Variants in RUNDC1 observed in about 807,000 individuals in gnomAD.
RUNDC1 encodes RUN domain-containing protein 1.
A neutral mutation model predicts 49.3 loss-of-function variants in RUNDC1; 31 were observed. The ratio of observed to expected loss-of-function variants is 0.63; its 90% CI spans 0.47 to 0.85. The LOEUF is 0.85. RUNDC1 is among the 40% of genes least tolerant of loss of function. RUNDC1 has a pLI of 0.00. For synonymous variants in RUNDC1, 347 were observed against 348.6 expected (o/e 1.00, Z 0.05); for missense variants, 715 against 806.7 (o/e 0.89, Z 1.38).
chr17:42,989,439 A>G lies in RUNDC1; in HGVS notation c.756A>G (p.Ala252=). 1 of 1,613,580 alleles carries G rather than the reference A, an allele frequency of 6.2e-7. No homozygotes were observed. Residue 252 remains alanine (A), a synonymous_variant, in exon 3 of 5, where the codon GCA becomes GCG. Transcript: ENST00000361677. ...AGCTTCGTCAGCGTGTAGATGCAGCAGTGGCTCAGATCGTCAACCCAGCCC... is the reference window on the plus strand; with the variant it reads ...AGCTTCGTCAGCGTGTAGATGCAGCGGTGGCTCAGATCGTCAACCCAGCCC... The part of the protein sequence containing the change: ...TEELRQRVDA[A]VAQIVNPARV...
At chr17:42,984,889 CTTTTTTTTTTT>C (rs56228523) in intron 1 of RUNDC1, among the ~76,000 whole-genome samples, 2 of 65,350 alleles carry the variant, frequency 3.1e-5, no homozygotes, top group Non-Finnish European at 5.5e-5. Context: ...TTCTTTCTTT[CTTTTTTTTTTT>C]TTTTTTTTTT....
At chr17:42,983,742 G>C (rs1033648231) in intron 1 of RUNDC1, among the ~76,000 whole-genome samples, 5 of 151,600 alleles carry the variant, frequency 3.3e-5, no homozygotes, top group African/African-American at 4.9e-5. Context: ...CACCATCTTG[G>C]CTCACAGCAA....
chr17:42,987,410 A>AG lies in RUNDC1; in HGVS notation c.654dup (p.Arg219AlafsTer6). 6.2e-7 allele frequency: 1 copy of AG among 1,614,072 alleles called. No homozygotes were observed. The highest frequency in any genetic ancestry group is 8.5e-7 in the Non-Finnish European group (1 of 1,179,968). On this transcript the variant is annotated frameshift_variant, in exon 2 of 5. Coordinates refer to ENST00000361677, the MANE Select transcript of RUNDC1 (RefSeq NM_173079.5). LOFTEE classifies it high-confidence loss of function. Reference sequence around the variant, plus strand: ...CCACAGTCCGTGGTGTTGGAAAGACAGCGGGTGAGCAGACCCCAGAGGAAC... The same window carrying AG: ...CCACAGTCCGTGGTGTTGGAAAGACAGGCGGGTGAGCAGACCCCAGAGGAAC...
Position 42,994,004 on chromosome 17 carries a change from C to T in RUNDC1, c.*2288C>T, listed in dbSNP as rs8076539. ...CCTTCTGAGTAGCTGGGAGTACCGG[C>T]GCCTGCCACCACGCCTGGCTAATGT... On this transcript the variant is annotated 3_prime_UTR_variant, in exon 5 of 5. Transcript: ENST00000361677. 0.096 allele frequency among the ~76,000 whole-genome samples: 14,654 copies of T among 152,174 alleles called. 870 individuals carry two copies. The highest frequency in any genetic ancestry group is 0.14 in the African/African-American group (6,013 of 41,512).
intron 1 of RUNDC1, 54 bp downstream of exon 1, chr17:42,981,128 G>C: frequency 6.6e-7 from 1 of 1,508,486 alleles, no homozygotes; most frequent in South Asian, 1.2e-5. Flanking sequence ...GGTCGTGTGG[G>C]TGGCGATCCA....
Position 42,994,544 on chromosome 17 carries a change from C to A in RUNDC1, c.*2828C>A, listed in dbSNP as rs1419604939. 6.6e-6 allele frequency among the ~76,000 whole-genome samples: 1 copy of A among 152,114 alleles called. No homozygotes were observed. Among genetic ancestry groups the A allele is most frequent in the African/African-American group, 2.4e-5 (1 of 41,422 alleles). ...TTTCTAGATTTTGGTTTCTCTTTCT[C>A]CTTTATCCACCACCCTCATTCCTCC... On this transcript the variant is annotated 3_prime_UTR_variant, in exon 5 of 5. Coordinates refer to ENST00000361677, the MANE Select transcript of RUNDC1 (RefSeq NM_173079.5).
rs551022210 is a variant in RUNDC1 at position 42,982,949 on chromosome 17, C to T, written c.498+1875C>T. Among the ~76,000 whole-genome samples the T allele has an allele frequency of 9.3e-5, 14 of 150,752 alleles. No homozygotes were observed. The East Asian group carries it at 1.2e-3, about 13-fold the overall frequency. ...TTGCGGTGAGCCAAGATCGTGCCAT[C>T]GCACCCCAGCCTGGGGCAACAAGAG... On this transcript the variant is annotated intron_variant, in intron 1 of 4. Coordinates refer to ENST00000361677, the MANE Select transcript of RUNDC1 (RefSeq NM_173079.5).
rs879853364 is a variant in RUNDC1 at position 42,992,007 on chromosome 17, G to A, written c.*291G>A. On this transcript the variant is annotated 3_prime_UTR_variant, in exon 5 of 5. Coordinates refer to ENST00000361677, the MANE Select transcript of RUNDC1 (RefSeq NM_173079.5). ...AGGCGGGCGGATCACAAGGTCAGGA[G>A]TTCGAGACCATCCTGTCTAACACGG... 24 of 362,718 alleles carry A rather than the reference G, an allele frequency of 6.6e-5. No homozygotes were observed. The highest frequency in any genetic ancestry group is 1.1e-4 in the Non-Finnish European group (22 of 192,056). 22.5% of individuals were successfully genotyped at this position (362,718 alleles called of 1,614,324 possible).
rs768638303 is a variant in RUNDC1, at chr17:42,987,316, C to G, written c.559C>G (p.Leu187Val). ...AAGGGAGAAGCAGAAAGAACTGATA[C>G]TGCAGCTCAAGACCCAGCTAGATGA... ...TQREKQKELI[L>V]QLKTQLDDLE... Residue 187 changes from leucine to valine, a missense_variant, in exon 2 of 5, where the codon CTG becomes GTG. This residue lies in a region of RUNDC1 where 15 missense variants were observed against 47.9 expected (regional missense o/e 0.31). Coordinates refer to ENST00000361677, the MANE Select transcript of RUNDC1 (RefSeq NM_173079.5). The G allele has an allele frequency of 5.0e-6, 8 of 1,613,870 alleles. No individual in the cohort carries two copies. In the South Asian group the frequency reaches 8.8e-5, roughly 18 times the overall value.
chr17:42,991,013 C>T lies in RUNDC1; in HGVS notation c.1139C>T (p.Pro380Leu), dbSNP rs752347435. The T allele has an allele frequency of 1.2e-6, 2 of 1,614,058 alleles. No individual in the cohort carries two copies. The highest frequency in any genetic ancestry group is 1.3e-5 in the African/African-American group (1 of 74,942). ...QRVQADRDYS[P>L]LLKRLEVSVD... is the part of the protein sequence containing the mutation. ...GTCCAGGCTGACAGAGACTACTCTCCCTTGCTGAAGAGGCTGGAGGTGTCA... is the reference window on the plus strand; with the variant it reads ...GTCCAGGCTGACAGAGACTACTCTCTCTTGCTGAAGAGGCTGGAGGTGTCA... Residue 380 changes from proline to leucine, a missense_variant, in exon 5 of 5, where the codon CCC becomes CTC. Physicochemically the swap from Pro to Leu is moderately conservative, Grantham distance 98. Around this residue, in one of 5 missense-constraint regions of RUNDC1, gnomAD observed 425 missense variants for 499.7 expected, o/e 0.85. Coordinates refer to ENST00000361677, the MANE Select transcript of RUNDC1 (RefSeq NM_173079.5).
rs1442508395 is a variant in RUNDC1, at chr17:42,994,872, T to C, written c.*3156T>C. Among the ~76,000 whole-genome samples the C allele has an allele frequency of 6.6e-6, 1 of 152,046 alleles. No homozygotes were observed. Among genetic ancestry groups the C allele is most frequent in the Non-Finnish European group, 1.5e-5 (1 of 68,004 alleles). On this transcript the variant is annotated 3_prime_UTR_variant, in exon 5 of 5. Coordinates refer to ENST00000361677, the MANE Select transcript of RUNDC1 (RefSeq NM_173079.5). ...ACCCAGATCCAAGGATATGCAAGAA[T>C]GGAAGGGTCAAGAGCCACGGATATG...
chr17:42,991,758 G>A lies in RUNDC1; in HGVS notation c.*42G>A, dbSNP rs116930490. ...CCAGACAAGCTCCTTGTTCAGTAGG[G>A]ATAGATGTGCTAGTCTTCTAGCATA... On this transcript the variant is annotated 3_prime_UTR_variant, in exon 5 of 5. Coordinates refer to ENST00000361677, the MANE Select transcript of RUNDC1 (RefSeq NM_173079.5). 0.019 allele frequency: 28,883 copies of A among 1,558,954 alleles called. 364 individuals carry two copies. The highest frequency in any genetic ancestry group is 0.022 in the Non-Finnish European group (24,798 of 1,153,258).
chr17:42,988,270 T>TTTTA (rs2050195747), intron 2 of RUNDC1, among the ~76,000 whole-genome samples: 1 of 150,692 alleles, frequency 6.6e-6, no homozygotes. Flanking sequence ...TTTTTTTTTT[T>TTTTA]GAGACAAAGT....
intron 1 of RUNDC1, among the ~76,000 whole-genome samples, chr17:42,982,690 C>G (rs2050116870): frequency 6.6e-6 from 1 of 151,950 alleles, no homozygotes; most frequent in African/African-American, 2.4e-5. Context: ...AAATTAAAAA[C>G]TAGCCCAGCG....
intron 3 of RUNDC1, 71 bp from the exon 4 acceptor site, chr17:42,990,246 G>A (rs2050220336): frequency 6.4e-7 from 1 of 1,569,922 alleles, no homozygotes; most frequent in Non-Finnish European, 8.6e-7. Flanking sequence ...GCACCATTAA[G>A]TATTATTTTT....
chr17:42,994,703 T>A lies in RUNDC1; in HGVS notation c.*2987T>A, dbSNP rs1480881199. Among the ~76,000 whole-genome samples, 1 of 152,104 alleles carries A rather than the reference T, an allele frequency of 6.6e-6. No homozygotes were observed. The highest frequency in any genetic ancestry group is 1.5e-5 in the Non-Finnish European group (1 of 68,024). ...AGTTCTTGAAACCTAAATGTGTGTA[T>A]CAACTGAGACAACCCAACAATTCCA... On this transcript the variant is annotated 3_prime_UTR_variant, in exon 5 of 5. Transcript: ENST00000361677.
chr17:42,984,889 C>CTTTTTTTTTTTTTTTTTTTTTTTTTT (rs56228523), intron 1 of RUNDC1, among the ~76,000 whole-genome samples: 1 of 65,350 alleles, frequency 1.5e-5, no homozygotes, highest in Admixed American at 2.3e-4. Flanking sequence ...TTCTTTCTTT[C>CTTTTTTTTTTTTTTTTTTTTTTTTTT]TTTTTTTTTT....
intron 3 of RUNDC1, 44 bp downstream of exon 3, chr17:42,989,583 A>G (rs2050212333): frequency 6.5e-7 from 1 of 1,540,076 alleles, no homozygotes; most frequent in Non-Finnish European, 9.0e-7. Flanking sequence ...AGGTGTCATA[A>G]TAATTATACT....
intron 4 of RUNDC1, 95 bp from the exon 5 acceptor site, chr17:42,990,756 C>A: frequency 1.4e-6 from 2 of 1,426,010 alleles, no homozygotes; most frequent in African/African-American, 1.4e-5. Flanking sequence ...TGAGACCCAG[C>A]ATGTGGCTCA....
Sources: gnomAD v4.1 joint callset for allele counts (sites outside exome capture counted in the v4.1 genomes callset) on GRCh38, gnomAD v4.1.1 for gene constraint, gnomAD v4.1.1 regional missense constraint, MANE v1.5 for transcripts, NCBI Gene and HGNC (gene_info 2026-07-23, HGNC 2026-07-21) for gene names.